Variants in GABRG1 observed in about 807,000 individuals in gnomAD.
GABRG1 encodes the protein gamma-aminobutyric acid receptor subunit gamma-1.
GABRG1 carries 49 observed loss-of-function variants against 49.8 expected under a neutral mutation model. That is an observed-to-expected ratio of 0.98 (90% confidence interval 0.78 to 1.25). The LOEUF (loss-of-function observed/expected upper bound fraction) is 1.25. GABRG1 is among the 50% of genes most tolerant of loss of function. GABRG1 has a pLI of 0.00. For missense variants in GABRG1, 552 were observed against 552.3 expected (o/e 1.00, Z 0.01); for synonymous variants, 232 against 185.1 (o/e 1.25, Z -2.06).
chr4:46,120,859 C>CT (rs1721072365), intron 1 of GABRG1, among the ~76,000 whole-genome samples: 1 of 151,680 alleles, frequency 6.6e-6, no homozygotes, highest in Admixed American at 6.6e-5. Flanking sequence ...TTAGTCAAGG[C>CT]TTATTGTAGG....
At chr4:46,076,361 T>TTATATATATATATA (rs1560360726) in intron 3 of GABRG1, among the ~76,000 whole-genome samples, 1 of 78,144 alleles carries the variant, frequency 1.3e-5, no homozygotes, top group Non-Finnish European at 2.6e-5. Flanking sequence ...TAGGTCATGT[T>TTATATATATATATA]CATATATATA....
chr4:46,113,904 A>G (rs896083155), intron 1 of GABRG1, among the ~76,000 whole-genome samples: 6 of 151,166 alleles, frequency 4.0e-5, no homozygotes, highest in African/African-American at 1.5e-4. Context: ...ACATTTTCAT[A>G]AACACAGTAT....
At chr4:46,046,762 G>T (rs969233049) in intron 8 of GABRG1, among the ~76,000 whole-genome samples, 2 of 151,908 alleles carry the variant, frequency 1.3e-5, no homozygotes, top group Admixed American at 1.3e-4. Flanking sequence ...ATTACTTCTG[G>T]AACAACTGCA....
chr4:46,065,692 C>T, intron 3 of GABRG1, 108 bp from the exon 4 acceptor site: 1 of 619,308 alleles, frequency 1.6e-6, no homozygotes. Flanking sequence ...AACAGTTAAA[C>T]TCAGTCTTTT....
At chr4:46,043,214 G>T (rs7657304) in intron 8 of GABRG1, among the ~76,000 whole-genome samples, 76,582 of 151,698 alleles carry the variant, frequency 0.5, 19,903 homozygotes, top group African/African-American at 0.62. Context: ...GATATTAGTT[G>T]TTCATGAGAG....
rs538035537 is a variant in GABRG1, at chr4:46,119,307, A to C, written c.104+4503T>G. ...TCTTTTTTTCTCCATTTCCTTTAAA[A>C]AATTTATCAACACTAATGTTCATTG... On this transcript the variant is annotated intron_variant, in intron 1 of 8. Coordinates refer to ENST00000295452, the MANE Select transcript of GABRG1 (RefSeq NM_173536.4). Among the ~76,000 whole-genome samples the C allele has an allele frequency of 2.0e-5, 3 of 151,570 alleles. No individual in the cohort carries two copies. The South Asian group carries it at 6.2e-4, about 31-fold the overall frequency.
At position 46,059,300 on chromosome 4, in the gene GABRG1, G is replaced by A. The variant is rs560042688; in HGVS notation, c.626-678C>T. 1.1e-3 allele frequency among the ~76,000 whole-genome samples: 165 copies of A among 152,234 alleles called. 2 individuals are homozygous for A. In the South Asian group the frequency reaches 0.034, roughly 31 times the overall value. On this transcript the variant is annotated intron_variant, in intron 5 of 8. Transcript: ENST00000295452. ...TATGCAAGCATTACTTTAGGATAGA[G>A]TATGGAGTAGCTGGGTCATGGGTTA...
At position 46,102,481 on chromosome 4, in the gene GABRG1, G is replaced by A. The variant is rs149633846; in HGVS notation, c.105-5132C>T. ...CTTCTTCCCCCCTCTACTTTCATAC[G>A]TTTCAAACATCTTTGTTACCTGAAG... On this transcript the variant is annotated intron_variant, in intron 1 of 8. Coordinates refer to ENST00000295452, the MANE Select transcript of GABRG1 (RefSeq NM_173536.4). Among the ~76,000 whole-genome samples, 72 of 151,492 alleles carry A rather than the reference G, an allele frequency of 4.8e-4. No individual in the cohort carries two copies. The Middle Eastern group carries it at 0.014, about 29-fold the overall frequency.
At chr4:46,063,849 C>T (rs1377840434) in intron 5 of GABRG1, among the ~76,000 whole-genome samples, 1 of 152,010 alleles carries the variant, frequency 6.6e-6, no homozygotes, top group Non-Finnish European at 1.5e-5. Context: ...AACAAACAAC[C>T]CCACCAAAAA....
At chr4:46,075,606 A>G (rs757080639) in intron 3 of GABRG1, among the ~76,000 whole-genome samples, 3 of 152,026 alleles carry the variant, frequency 2.0e-5, no homozygotes, top group Non-Finnish European at 4.4e-5. Context: ...TTTCCTGTCT[A>G]TCATTTGGGG....
intron 3 of GABRG1, among the ~76,000 whole-genome samples, chr4:46,082,281 G>C (rs896027189): frequency 1.3e-5 from 2 of 151,402 alleles, no homozygotes; most frequent in African/African-American, 4.8e-5. Flanking sequence ...ATTCTAAATG[G>C]TCTTTTCTTG....
rs778582944 is a variant in GABRG1, at chr4:46,097,275, T to C, written c.179A>G (p.His60Arg). 10 of 1,611,238 alleles carry C rather than the reference T, an allele frequency of 6.2e-6. No homozygotes were observed. The Middle Eastern group carries it at 4.9e-4, about 80-fold the overall frequency. The change falls in exon 2 of 9, where the codon CAT becomes CGT. Residue 60 changes from histidine (H) to arginine (R), a missense_variant. His to Arg is a conservative substitution (Grantham distance 29). Transcript: ENST00000295452. ...CAGAATTTGTGTGATATCTCCTTCA[T>C]GAATTTTTGGGGCCAAGACCCAGGT... ...NKTWVLAPKI[H>R]EGDITQILNS... is the part of the protein sequence containing the mutation.
At chr4:46,102,889 T>A (rs974874096) in intron 1 of GABRG1, among the ~76,000 whole-genome samples, 3 of 151,670 alleles carry the variant, frequency 2.0e-5, no homozygotes, top group Non-Finnish European at 4.4e-5. Context: ...TCCTTATTAC[T>A]AGAGAAAAAA....
intron 1 of GABRG1, among the ~76,000 whole-genome samples, chr4:46,098,715 T>C (rs1201661923): frequency 6.6e-6 from 1 of 151,754 alleles, no homozygotes; most frequent in African/African-American, 2.4e-5. Flanking sequence ...GGTATTTTTT[T>C]AGTGCTTGCC....
rs147268662 is a variant in GABRG1, at chr4:46,081,327, T to G, written c.321+2659A>C. ...ACTTCTAGGTCAGTCTATTGGAACA[T>G]TCCTTCATCCTCTCAAATTCAATTT... On this transcript the variant is annotated intron_variant, in intron 3 of 8. Transcript: ENST00000295452. Among the ~76,000 whole-genome samples, 50 of 151,964 alleles carry G rather than the reference T, an allele frequency of 3.3e-4. 3 individuals carry two copies. The East Asian group carries it at 9.5e-3, about 29-fold the overall frequency.
At position 46,065,543 on chromosome 4, in the gene GABRG1, G is replaced by A; in HGVS notation, c.363C>T (p.Asp121=). ...IDIIFAQTWF[D]SRLKFNSTMK... ...TGGTACTATTGAATTTTAAACGACT[G>A]TCAAACCAGGTTTGGGCAAAAATTA... The change falls in exon 4 of 9, where the codon GAC becomes GAT. Residue 121 remains aspartate (D), a synonymous_variant. Transcript: ENST00000295452. 6.2e-7 allele frequency: 1 copy of A among 1,603,560 alleles called. No individual in the cohort carries two copies. Among genetic ancestry groups the A allele is most frequent in the Non-Finnish European group, 8.5e-7 (1 of 1,171,114 alleles).
chr4:46,117,602 C>CTTTG, intron 1 of GABRG1, among the ~76,000 whole-genome samples: 3 of 139,282 alleles, frequency 2.2e-5, no homozygotes, highest in Non-Finnish European at 3.1e-5. Context: ...GTCTCTCTCT[C>CTTTG]TCTCTCTCTC....
At chr4:46,064,673 A>C in intron 4 of GABRG1, 150 bp from the exon 5 acceptor site, 1 of 397,908 alleles carries the variant, frequency 2.5e-6, no homozygotes, top group East Asian at 4.1e-5. Flanking sequence ...TCAAAGTCTT[A>C]AATAGCAATA....
At chr4:46,099,269 A>T (rs1449486245) in intron 1 of GABRG1, among the ~76,000 whole-genome samples, 1 of 151,676 alleles carries the variant, frequency 6.6e-6, no homozygotes, top group Admixed American at 6.6e-5. Flanking sequence ...TATAACTGAC[A>T]TGCATCACTA....
Sources: gnomAD v4.1 joint callset for allele counts (sites outside exome capture counted in the v4.1 genomes callset) on GRCh38, gnomAD v4.1.1 for gene constraint, MANE v1.5 for transcripts, NCBI Gene and HGNC (gene_info 2026-07-23, HGNC 2026-07-21) for gene names.